SHANK2: variants seen among roughly 807,000 people sequenced by gnomAD.
SHANK2 encodes the protein SH3 and multiple ankyrin repeat domains protein 2.
A neutral mutation model predicts 133.7 loss-of-function variants in SHANK2; 43 were observed. The observed-to-expected ratio is 0.32, with a 90% confidence interval of 0.25 to 0.41. The LOEUF is 0.41. SHANK2 is among the 10% of genes least tolerant of loss of function. The probability of loss-of-function intolerance (pLI) is 1.00; values close to 1 mark genes in which losing one functional copy is unlikely to be tolerated. For missense variants in SHANK2, 1,994 were observed against 2,235.8 expected (o/e 0.89, Z 2.18); for synonymous variants, 1,017 against 952.8 (o/e 1.07, Z -1.24).
intron 14 of SHANK2, among the ~76,000 whole-genome samples, chr11:70,769,983 C>T (rs1328582280): frequency 6.6e-6 from 1 of 152,216 alleles, no homozygotes; most frequent in Non-Finnish European, 1.5e-5. Context: ...ATCTCCTACC[C>T]TATCCCTGGG....
rs557459876 is a variant in SHANK2, at chr11:70,619,776, G to A, written c.2061+40052C>T. Among the ~76,000 whole-genome samples the A allele has an allele frequency of 5.3e-5, 8 of 152,278 alleles. No individual in the cohort carries two copies. In the East Asian group the frequency reaches 1.2e-3, roughly 22 times the overall value. ...GCTGTCCTGGCTGCCTCCATGAGGCGTGCTAGTCAGTGCCGGCTCACAGGG... is the reference window on the plus strand; with the variant it reads ...GCTGTCCTGGCTGCCTCCATGAGGCATGCTAGTCAGTGCCGGCTCACAGGG... On this transcript the variant is annotated intron_variant, in intron 17 of 25. Transcript: ENST00000601538.
intron 14 of SHANK2, among the ~76,000 whole-genome samples, chr11:70,712,560 C>G (rs1177366643): frequency 6.6e-6 from 1 of 152,226 alleles, no homozygotes; most frequent in Non-Finnish European, 1.5e-5. Flanking sequence ...GAAGCGGCTT[C>G]CAGGAAATGC....
chr11:70,602,604 CTTCTT>C (rs1413033914), intron 17 of SHANK2, among the ~76,000 whole-genome samples: 1 of 152,244 alleles, frequency 6.6e-6, no homozygotes, highest in Non-Finnish European at 1.5e-5. Flanking sequence ...ATTTCATCCT[CTTCTT>C]TTCGGTAATT....
intron 17 of SHANK2, among the ~76,000 whole-genome samples, chr11:70,583,053 C>T (rs1025068479): frequency 1.1e-4 from 16 of 152,042 alleles, no homozygotes; most frequent in Admixed American, 2.0e-4. Context: ...CCACATGGAG[C>T]GGGGGACAGA....
intron 6 of SHANK2, among the ~76,000 whole-genome samples, chr11:71,108,070 G>A (rs1951828253): frequency 6.6e-6 from 1 of 152,196 alleles, no homozygotes; most frequent in Admixed American, 6.5e-5. Flanking sequence ...GCTGCCTCCA[G>A]GGAGAATCCG....
chr11:71,096,692 G>C (rs527555513), intron 6 of SHANK2, among the ~76,000 whole-genome samples: 1 of 152,122 alleles, frequency 6.6e-6, no homozygotes, highest in South Asian at 2.1e-4. Context: ...ACACTCGTTC[G>C]GGGCAAGGTT....
At chr11:70,660,707 A>G (rs1173121041) in intron 16 of SHANK2, among the ~76,000 whole-genome samples, 6 of 152,192 alleles carry the variant, frequency 3.9e-5, no homozygotes, top group African/African-American at 1.4e-4. Context: ...AATCACACAG[A>G]CAGGCGTGGA....
At chr11:70,649,910 C>T (rs1470204251) in intron 17 of SHANK2, among the ~76,000 whole-genome samples, 1 of 152,214 alleles carries the variant, frequency 6.6e-6, no homozygotes, top group Non-Finnish European at 1.5e-5. Flanking sequence ...TCAGACCTCC[C>T]TGGAGGGCCC....
intron 14 of SHANK2, among the ~76,000 whole-genome samples, chr11:70,780,773 C>G (rs782792300): frequency 2.0e-5 from 3 of 152,058 alleles, no homozygotes; most frequent in African/African-American, 7.2e-5. Context: ...GGGGATTCAC[C>G]ATGTTGGTCA....
chr11:70,782,744 C>A (rs1288207150), intron 14 of SHANK2, among the ~76,000 whole-genome samples: 1 of 152,206 alleles, frequency 6.6e-6, no homozygotes, highest in African/African-American at 2.4e-5. Context: ...AGACGACACA[C>A]AAACAGCCAC....
At chr11:70,781,673 G>A (rs1555045227) in intron 14 of SHANK2, among the ~76,000 whole-genome samples, 1 of 146,624 alleles carries the variant, frequency 6.8e-6, no homozygotes, top group Non-Finnish European at 1.5e-5. Context: ...CCATGTTGGT[G>A]TGCTGCACCC....
chr11:71,068,329 C>T (rs1951095449), intron 9 of SHANK2, among the ~76,000 whole-genome samples: 1 of 152,202 alleles, frequency 6.6e-6, no homozygotes, highest in African/African-American at 2.4e-5. Context: ...TCCTAGACAA[C>T]AGAAGACTGC....
chr11:70,631,389 C>CACAT (rs1210591484), intron 17 of SHANK2, among the ~76,000 whole-genome samples: 1 of 148,096 alleles, frequency 6.8e-6, no homozygotes, highest in African/African-American at 2.5e-5. Context: ...CACACACACA[C>CACAT]ACACACACAC....
chr11:70,943,647 C>T (rs888030804), intron 10 of SHANK2, among the ~76,000 whole-genome samples: 3 of 152,122 alleles, frequency 2.0e-5, no homozygotes, highest in African/African-American at 4.8e-5. Context: ...GGAGCACTGA[C>T]CCTGAAATGC....
chr11:71,132,021 G>A lies in SHANK2; in HGVS notation c.208-12989C>T, dbSNP rs150842262. Among the ~76,000 whole-genome samples the A allele has an allele frequency of 6.6e-3, 1,002 of 152,300 alleles. 6 individuals are homozygous for A. Among genetic ancestry groups the A allele is most frequent in the Middle Eastern group, 0.017 (5 of 294 alleles). ...AACTCGATCCTGGCAGCACACAGACGGAGCCATGAGTCAGGAAGATTAAGC... is the reference window on the plus strand; with the variant it reads ...AACTCGATCCTGGCAGCACACAGACAGAGCCATGAGTCAGGAAGATTAAGC... On this transcript the variant is annotated intron_variant, in intron 3 of 25. Transcript: ENST00000601538.
intron 17 of SHANK2, among the ~76,000 whole-genome samples, chr11:70,571,656 G>T (rs963922057): frequency 6.6e-6 from 1 of 152,088 alleles, no homozygotes; most frequent in South Asian, 2.1e-4. Context: ...CAGAACCAGG[G>T]GATCCAGGTG....
intron 11 of SHANK2, among the ~76,000 whole-genome samples, chr11:70,834,075 T>C (rs941698917): frequency 1.3e-5 from 2 of 152,236 alleles, no homozygotes; most frequent in Non-Finnish European, 2.9e-5. Flanking sequence ...AAATAAAATG[T>C]TGGGATGTAG....
intron 14 of SHANK2, among the ~76,000 whole-genome samples, chr11:70,745,781 A>C (rs1303034220): frequency 6.6e-6 from 1 of 152,180 alleles, no homozygotes; most frequent in Non-Finnish European, 1.5e-5. Context: ...CCGCCTTGGA[A>C]GTTGCAGAGC....
At chr11:70,591,623 T>C (rs2060322293) in intron 17 of SHANK2, among the ~76,000 whole-genome samples, 1 of 152,052 alleles carries the variant, frequency 6.6e-6, no homozygotes, top group African/African-American at 2.4e-5. Flanking sequence ...TTTCAACAAC[T>C]TAAAAAGGGA....
Sources: gnomAD v4.1 joint callset for allele counts (sites outside exome capture counted in the v4.1 genomes callset) on GRCh38, gnomAD v4.1.1 for gene constraint, MANE v1.5 for transcripts, NCBI Gene and HGNC (gene_info 2026-07-23, HGNC 2026-07-21) for gene names.